ECE1: variants seen among roughly 807,000 people sequenced by gnomAD.
ECE1 encodes the protein endothelin converting enzyme 1, also known as endothelin-converting enzyme 1.
Under a neutral mutation model 98.6 loss-of-function variants are expected in ECE1, and 35 were observed. That is an observed-to-expected ratio of 0.35 (90% confidence interval 0.27 to 0.47). ECE1 has a LOEUF of 0.47. Among genes scored for constraint, ECE1 ranks in the 20% least tolerant of loss-of-function variants. The pLI, the probability that ECE1 is intolerant of heterozygous loss-of-function variation, is 1.00. For synonymous variants in ECE1, 394 were observed against 407.1 expected (o/e 0.97, Z 0.39); for missense variants, 814 against 1,025.3 (o/e 0.79, Z 2.81).
chr1:21,220,032 A>T lies in ECE1; in HGVS notation c.2236T>A (p.Ser746Thr). 6.2e-7 allele frequency: 1 copy of T among 1,614,064 alleles called. No individual in the cohort carries two copies. The highest frequency in any genetic ancestry group is 1.6e-4 in the Middle Eastern group (1 of 6,062). ...CGGAAGTGTTCTGAGAACTCCTTGG[A>T]ATTGGAGAGGGAGCCGATGACCCGG... ...RFRVIGSLSN[S>T]KEFSEHFRCP... The change falls in exon 19 of 19, where the codon TCC (serine) becomes ACC (threonine). Residue 746 changes from serine (S) to threonine (T), a missense_variant. Around this residue, in one of 3 missense-constraint regions of ECE1, gnomAD observed 452 missense variants for 567.3 expected, o/e 0.80. Coordinates refer to ENST00000374893, the MANE Select transcript of ECE1 (RefSeq NM_001397.3). This position sits in a 1 kb window ranked among gnomAD's most constrained non-coding sequence, Gnocchi z 5.0.
chr1:21,299,789 T>C (rs1638444795), intron 1 of ECE1: 1 of 152,260 alleles, frequency 6.6e-6, no homozygotes, highest in African/African-American at 2.4e-5. Flanking sequence ...AATGCCTGAA[T>C]ATTATTGTCA....
intron 1 of ECE1, among the ~76,000 whole-genome samples, chr1:21,329,793 A>G (rs916577828): frequency 1.3e-5 from 2 of 152,086 alleles, no homozygotes; most frequent in African/African-American, 4.8e-5. Context: ...AGGCTAGTCA[A>G]CTCCCAACCA....
chr1:21,319,825 C>T lies in ECE1; in HGVS notation c.3+25551G>A, dbSNP rs1030548951. Among the ~76,000 whole-genome samples, 2 of 152,172 alleles carry T rather than the reference C, an allele frequency of 1.3e-5. No individual in the cohort carries two copies. Among genetic ancestry groups the T allele is most frequent in the South Asian group, 2.1e-4 (1 of 4,826 alleles). ...CTGAGACAGGCTGAACAAACACACG[C>T]GGTCCCATGGCTTCTAGTGCCAGCC... On this transcript the variant is annotated intron_variant, in intron 1 of 18. Transcript: ENST00000415912. This position sits in a 1 kb window ranked among gnomAD's most constrained non-coding sequence, Gnocchi z 4.4.
rs1332543590 is a variant in ECE1, at chr1:21,340,218, G to T, written c.3+5158C>A. On this transcript the variant is annotated intron_variant, in intron 1 of 18. Transcript: ENST00000415912. This position sits in a 1 kb window ranked among gnomAD's most constrained non-coding sequence, Gnocchi z 4.6. ...TTCTTTCTCCTCTATTAAAGGCTCT[G>T]GAGACCAGGGCCCTCGGCTGGTTAT... Among the ~76,000 whole-genome samples the T allele has an allele frequency of 2.0e-5, 3 of 152,220 alleles. No homozygotes were observed. The highest frequency in any genetic ancestry group is 4.4e-5 in the Non-Finnish European group (3 of 68,034).
rs761114302 is a variant in ECE1 at position 21,255,936 on chromosome 1, G to A, written c.1020+11C>T. On this transcript the variant is annotated intron_variant, in intron 8 of 18. Coordinates refer to ENST00000374893, the MANE Select transcript of ECE1 (RefSeq NM_001397.3). ...CATCCCAGCCTCCCTAGCAGCCGGC[G>A]CTCAAGTTACCTGCAGCTCGGCTGC... is the stretch of plus-strand genomic sequence containing the variant. 31 of 1,613,582 alleles carry A rather than the reference G, an allele frequency of 1.9e-5. No individual in the cohort carries two copies. The highest frequency in any genetic ancestry group is 1.5e-4 in the South Asian group (14 of 91,078).
intron 17 of ECE1, among the ~76,000 whole-genome samples, chr1:21,222,629 T>A (rs1256009810): frequency 6.6e-6 from 1 of 151,494 alleles, no homozygotes; most frequent in Non-Finnish European, 1.5e-5. Context: ...TCACCTGAGG[T>A]TAGGAGTTTG....
intron 10 of ECE1, among the ~76,000 whole-genome samples, chr1:21,239,494 G>A (rs2098193047): frequency 1.3e-5 from 2 of 152,174 alleles, no homozygotes; most frequent in African/African-American, 4.8e-5. Flanking sequence ...GCAGGCAGAC[G>A]GATCAACAAA....
At chr1:21,306,052 G>C (rs546867597) in intron 1 of ECE1, among the ~76,000 whole-genome samples, 1 of 152,340 alleles carries the variant, frequency 6.6e-6, no homozygotes, top group Non-Finnish European at 1.5e-5. Flanking sequence ...CCAGCCATAT[G>C]GGGCCTCCTG....
At chr1:21,255,496 T>C (rs1026046892) in intron 8 of ECE1, among the ~76,000 whole-genome samples, 1 of 152,254 alleles carries the variant, frequency 6.6e-6, no homozygotes, top group Non-Finnish European at 1.5e-5. Flanking sequence ...CATCTGCGGC[T>C]GGCTCCTCTG....
At chr1:21,310,039 C>T (rs1638683926) in intron 1 of ECE1, among the ~76,000 whole-genome samples, 1 of 152,176 alleles carries the variant, frequency 6.6e-6, no homozygotes, top group African/African-American at 2.4e-5. Flanking sequence ...TCGTGATCCA[C>T]CCGCCTCGGC....
chr1:21,345,136 C>A lies in ECE1; in HGVS notation c.3+240G>T. 1 of 333,520 alleles carries A rather than the reference C, an allele frequency of 3.0e-6. No individual in the cohort carries two copies. Among genetic ancestry groups the A allele is most frequent in the Non-Finnish European group, 4.8e-6 (1 of 209,548 alleles). The allele number at this position is 333,520 out of a possible 1,614,324, so 20.7% of individuals were successfully genotyped here. On this transcript the variant is annotated intron_variant, in intron 1 of 18. Coordinates refer to the ECE1 transcript ENST00000415912. The surrounding 1 kb of genome is among the most constrained non-coding windows in gnomAD (Gnocchi z 5.1). ...CGAGCCCCCCACATCCGGCTGGGAC[C>A]AGAACCAAGCTCGGCGCGGCCGCCC...
In ECE1 at chr1:21,330,542, A is replaced by C. The variant is rs150325739; in HGVS notation, c.3+14834T>G. 3.0e-3 allele frequency among the ~76,000 whole-genome samples: 461 copies of C among 152,072 alleles called. 3 individuals carry two copies. The highest frequency in any genetic ancestry group is 0.011 in the African/African-American group (444 of 41,484). On this transcript the variant is annotated intron_variant, in intron 1 of 18. Transcript: ENST00000415912. Reference sequence around the variant, plus strand: ...TACCGCCCCTAGCTGACCTCACCAAATACTATTCAGCAATTTACCTGCTAA... The same window carrying C: ...TACCGCCCCTAGCTGACCTCACCAACTACTATTCAGCAATTTACCTGCTAA...
chr1:21,279,648 A>G, intron 2 of ECE1: 1 of 1,419,562 alleles, frequency 7.0e-7, no homozygotes, highest in Admixed American at 2.9e-5. Context: ...GAGGAGTTCA[A>G]AAAAGAACAG....
At chr1:21,342,472 C>T (rs1467271692) in intron 1 of ECE1, among the ~76,000 whole-genome samples, 1 of 152,110 alleles carries the variant, frequency 6.6e-6, no homozygotes, top group Non-Finnish European at 1.5e-5. Flanking sequence ...GGGAGACGGT[C>T]CATCCGAGGC....
Position 21,247,382 on chromosome 1 carries a change from G to C in ECE1, c.1021-19C>G. The C allele has an allele frequency of 1.2e-6, 2 of 1,614,174 alleles. No individual in the cohort carries two copies. Among genetic ancestry groups the C allele is most frequent in the South Asian group, 2.2e-5 (2 of 91,084 alleles). On this transcript the variant is annotated intron_variant, in intron 8 of 18. Transcript: ENST00000374893. ...CCAAGGTCTGCAAGGGAAAAGGACA[G>C]TGTGACCCTGTGGGGCTGCTCCTCC... is the stretch of plus-strand genomic sequence containing the variant.
At chr1:21,338,213 C>T (rs970573389) in intron 1 of ECE1, among the ~76,000 whole-genome samples, 11 of 152,214 alleles carry the variant, frequency 7.2e-5, no homozygotes, top group African/African-American at 2.7e-4. Flanking sequence ...GACACCCCAG[C>T]CCAGCCTGTG....
At chr1:21,315,002 G>A (rs778961720) in intron 1 of ECE1, among the ~76,000 whole-genome samples, 1 of 152,168 alleles carries the variant, frequency 6.6e-6, no homozygotes, top group Non-Finnish European at 1.5e-5. Flanking sequence ...CCATCTGTAT[G>A]TATCTGTAGT....
chr1:21,342,383 T>G (rs547551274), intron 1 of ECE1, among the ~76,000 whole-genome samples: 35 of 152,160 alleles, frequency 2.3e-4, no homozygotes, highest in Non-Finnish European at 3.8e-4. Context: ...GCAGGGTGGT[T>G]TGAGTACAAC....
At chr1:21,265,450 T>C (rs1283733300) in intron 4 of ECE1, among the ~76,000 whole-genome samples, 1 of 152,220 alleles carries the variant, frequency 6.6e-6, no homozygotes, top group African/African-American at 2.4e-5. Context: ...AAGAATCGCT[T>C]GAACCCAGAT....
Sources: allele counts gnomAD v4.1 joint callset (sites outside exome capture counted in the v4.1 genomes callset), GRCh38; gene constraint gnomAD v4.1.1; regional missense constraint gnomAD v4.1.1; non-coding constraint Gnocchi (gnomAD v3.1); transcripts MANE v1.5; gene names NCBI Gene and HGNC (gene_info 2026-07-23, HGNC 2026-07-21).